ADK: variants seen among roughly 807,000 people sequenced by gnomAD.
The protein encoded by ADK is N6,N6-dimethyladenosine kinase.
In ADK, 24 loss-of-function variants were observed where a neutral mutation model predicts 44.7. The ratio of observed to expected loss-of-function variants is 0.54; its 90% CI spans 0.39 to 0.76. The LOEUF (loss-of-function observed/expected upper bound fraction) is 0.76, where lower values mean the gene tolerates loss of function less well. Among genes scored for constraint, ADK ranks in the 30% least tolerant of loss-of-function variants. The pLI is 0.00. For missense variants in ADK, 321 were observed against 425.1 expected (o/e 0.76, Z 2.15); for synonymous variants, 128 against 142.6 (o/e 0.90, Z 0.73).
intron 9 of ADK, among the ~76,000 whole-genome samples, chr10:74,665,821 G>A (rs1377848141): frequency 6.7e-6 from 1 of 149,130 alleles, no homozygotes; most frequent in East Asian, 1.9e-4. Flanking sequence ...GAAGGAAAAG[G>A]AAGAGAGAGA....
intron 7 of ADK, among the ~76,000 whole-genome samples, chr10:74,543,192 G>A (rs1431574835): frequency 6.7e-6 from 1 of 149,970 alleles, no homozygotes; most frequent in Non-Finnish European, 1.5e-5. Context: ...GAGCCACAGC[G>A]CCTGGCCTAT....
intron 6 of ADK, among the ~76,000 whole-genome samples, chr10:74,492,474 A>G (rs192367701): frequency 2.6e-5 from 4 of 152,310 alleles, no homozygotes; most frequent in Admixed American, 1.3e-4. Context: ...CAGAAGAAGA[A>G]AACAGAATAA....
chr10:74,449,270 A>G (rs1215754789), intron 6 of ADK, among the ~76,000 whole-genome samples: 1 of 152,204 alleles, frequency 6.6e-6, no homozygotes, highest in African/African-American at 2.4e-5. Flanking sequence ...CATGTGCACA[A>G]CGTGCAGGCT....
At chr10:74,234,465 C>G (rs1033371951) in intron 3 of ADK, among the ~76,000 whole-genome samples, 2 of 152,134 alleles carry the variant, frequency 1.3e-5, no homozygotes, top group Non-Finnish European at 2.9e-5. Context: ...GACTTAGGAA[C>G]CTTTTTTAAA....
intron 6 of ADK, among the ~76,000 whole-genome samples, chr10:74,439,429 A>G (rs1420370465): frequency 6.6e-6 from 1 of 152,202 alleles, no homozygotes; most frequent in Non-Finnish European, 1.5e-5. Context: ...ATTTCCTGTT[A>G]TGGCATTAAT....
At chr10:74,577,635 A>G (rs1025954841) in intron 7 of ADK, among the ~76,000 whole-genome samples, 4 of 151,976 alleles carry the variant, frequency 2.6e-5, no homozygotes, top group African/African-American at 9.7e-5. Flanking sequence ...ATTTTGTTAC[A>G]TTAAAAAAAA....
intron 7 of ADK, among the ~76,000 whole-genome samples, chr10:74,562,894 A>G (rs1458705894): frequency 6.6e-6 from 1 of 151,552 alleles, no homozygotes; most frequent in African/African-American, 2.4e-5. Flanking sequence ...TCAGTTTTAC[A>G]ATCAACAAAT....
intron 7 of ADK, among the ~76,000 whole-genome samples, chr10:74,549,139 A>C (rs1849940643): frequency 6.6e-6 from 1 of 152,258 alleles, no homozygotes; most frequent in Non-Finnish European, 1.5e-5. Context: ...ACAACTTATA[A>C]AATTGAATTT....
intron 6 of ADK, among the ~76,000 whole-genome samples, chr10:74,455,617 C>A (rs1273370113): frequency 6.6e-6 from 1 of 152,082 alleles, no homozygotes; most frequent in African/African-American, 2.4e-5. Context: ...TCAAGCAATT[C>A]TCCTGCCTCA....
At chr10:74,572,372 T>C (rs934165958) in intron 7 of ADK, among the ~76,000 whole-genome samples, 27 of 152,382 alleles carry the variant, frequency 1.8e-4, no homozygotes, top group African/African-American at 4.1e-4. Context: ...CCGAGAGATC[T>C]GCTGTTAGTC....
At chr10:74,169,835 A>T (rs957412765) in intron 1 of ADK, among the ~76,000 whole-genome samples, 25 of 152,342 alleles carry the variant, frequency 1.6e-4, no homozygotes, top group South Asian at 1.0e-3. Context: ...TTGAGATACA[A>T]GTATGCACAA....
chr10:74,369,900 A>G (rs1190512629), intron 4 of ADK, among the ~76,000 whole-genome samples: 4 of 152,348 alleles, frequency 2.6e-5, no homozygotes, highest in African/African-American at 9.6e-5. Flanking sequence ...GAATCTACAA[A>G]AAGGTACTAG....
At chr10:74,171,514 A>G (rs766547717) in intron 1 of ADK, among the ~76,000 whole-genome samples, 1 of 152,126 alleles carries the variant, frequency 6.6e-6, no homozygotes, top group African/African-American at 2.4e-5. Context: ...TATGTATCTG[A>G]TTGCTTTTAT....
At chr10:74,589,784 G>A (rs574120016) in intron 8 of ADK, among the ~76,000 whole-genome samples, 1 of 152,232 alleles carries the variant, frequency 6.6e-6, no homozygotes, top group Non-Finnish European at 1.5e-5. Context: ...CTAAAAGGTT[G>A]TACTTAACAG....
chr10:74,544,692 TG>T (rs1296546415), intron 7 of ADK, among the ~76,000 whole-genome samples: 1 of 151,938 alleles, frequency 6.6e-6, no homozygotes. Context: ...CTGGCCAACA[TG>T]GTGAAACCCC....
intron 1 of ADK, among the ~76,000 whole-genome samples, chr10:74,178,145 T>C (rs1380860393): frequency 6.6e-6 from 1 of 152,006 alleles, no homozygotes; most frequent in Non-Finnish European, 1.5e-5. Flanking sequence ...TTTCACCATA[T>C]TGGCCAGGCT....
intron 2 of ADK, among the ~76,000 whole-genome samples, chr10:74,207,693 T>G (rs1843652591): frequency 6.6e-6 from 1 of 152,164 alleles, no homozygotes; most frequent in Non-Finnish European, 1.5e-5. Context: ...AAGTGTGTGC[T>G]GATTGGTCCA....
Position 74,241,298 on chromosome 10 carries a change from A to G in ADK, c.194+16707A>G, listed in dbSNP as rs72818503. ...TCCCATAATCCTCCTGCCCTCACAC[A>G]TGAATAGCCTCCCCCATTTTCAGCA... On this transcript the variant is annotated intron_variant, in intron 3 of 10. Coordinates refer to ENST00000539909, the MANE Select transcript of ADK (RefSeq NM_006721.4). Among the ~76,000 whole-genome samples the G allele has an allele frequency of 3.4e-3, 524 of 152,312 alleles. 2 individuals are homozygous for G. The highest frequency in any genetic ancestry group is 7.0e-3 in the Admixed American group (107 of 15,308).
chr10:74,545,386 C>T (rs558767982), intron 7 of ADK, among the ~76,000 whole-genome samples: 46 of 152,242 alleles, frequency 3.0e-4, no homozygotes, highest in Non-Finnish European at 5.7e-4. Context: ...GGCCTCAATT[C>T]GTGGTACCCT....
Sources: allele counts gnomAD v4.1 joint callset (sites outside exome capture counted in the v4.1 genomes callset), GRCh38; gene constraint gnomAD v4.1.1; transcripts MANE v1.5; gene names NCBI Gene and HGNC (gene_info 2026-07-23, HGNC 2026-07-21).